Variants in CSMD3 observed in about 807,000 individuals in gnomAD.
The protein encoded by CSMD3 is CUB and Sushi multiple domains 3.
Under a neutral mutation model 435.2 loss-of-function variants are expected in CSMD3, and 177 were observed. That is an observed-to-expected ratio of 0.41 (90% CI 0.36 to 0.46). The LOEUF is 0.46. Ranked by LOEUF, CSMD3 falls within the 20% of genes least tolerant of loss-of-function variation. The probability of loss-of-function intolerance (pLI) is 0.34; values close to 1 mark genes in which losing one functional copy is unlikely to be tolerated. For synonymous variants in CSMD3, 1,656 were observed against 1,520.5 expected, an observed-to-expected ratio of 1.09 and a Z score of -2.07; for missense variants, 4,265 against 4,504.6, an observed-to-expected ratio of 0.95 and a Z score of 1.52.
chr8:112,351,559 G>A (rs1187922520), intron 39 of CSMD3, among the ~76,000 whole-genome samples: 1 of 151,868 alleles, frequency 6.6e-6, no homozygotes, highest in Non-Finnish European at 1.5e-5. Context: ...AAGTGAAAGG[G>A]CAGTATACAT....
At chr8:113,113,362 A>C (rs2090722317) in intron 4 of CSMD3, among the ~76,000 whole-genome samples, 1 of 152,210 alleles carries the variant, frequency 6.6e-6, no homozygotes, top group Admixed American at 6.5e-5. Flanking sequence ...GAACATAGTA[A>C]TGTTGCATCT....
At chr8:112,387,755 T>G (rs1015302628) in intron 36 of CSMD3, among the ~76,000 whole-genome samples, 1 of 152,196 alleles carries the variant, frequency 6.6e-6, no homozygotes, top group East Asian at 1.9e-4. Flanking sequence ...GAATAGTGTT[T>G]GCCTAGGATA....
At chr8:112,957,108 C>T (rs963042322) in intron 7 of CSMD3, among the ~76,000 whole-genome samples, 4 of 152,004 alleles carry the variant, frequency 2.6e-5, no homozygotes, top group Admixed American at 2.0e-4. Context: ...GTATTAATTA[C>T]AAGACTATTC....
At chr8:113,399,640 A>G (rs927730284) in intron 1 of CSMD3, among the ~76,000 whole-genome samples, 1 of 151,972 alleles carries the variant, frequency 6.6e-6, no homozygotes, top group African/African-American at 2.4e-5. Flanking sequence ...TGGGGCTGGA[A>G]GAGGGTGAGG....
At chr8:112,312,762 A>T (rs1332563716) in intron 49 of CSMD3, among the ~76,000 whole-genome samples, 1 of 152,210 alleles carries the variant, frequency 6.6e-6, no homozygotes, top group Non-Finnish European at 1.5e-5. Context: ...AAACAGAATT[A>T]TTCTATTCAT....
intron 3 of CSMD3, among the ~76,000 whole-genome samples, chr8:113,224,269 T>C (rs2093001922): frequency 6.6e-6 from 1 of 151,328 alleles, no homozygotes; most frequent in Non-Finnish European, 1.5e-5. Context: ...ATTTTTATTT[T>C]GTATTTGCCC....
rs1458808541 is a variant in CSMD3 at position 112,650,222 on chromosome 8, A to T, written c.3132T>A (p.His1044Gln). ...FSCDSGYRLS[H>Q]EEPLLCEKNH... Reference sequence around the variant, plus strand: ...TTTTTTCGCATAGAAGGGGCTCTTCATGACTCAACCTGTATCCTGAATCAC... The same window carrying T: ...TTTTTTCGCATAGAAGGGGCTCTTCTTGACTCAACCTGTATCCTGAATCAC... The change falls in exon 19 of 71, where the codon CAT (histidine) becomes CAA (glutamine). Residue 1044 changes from histidine to glutamine, a missense_variant. His to Gln is a conservative substitution (Grantham distance 24, BLOSUM62 0). This residue lies in a region of CSMD3 where 3,255 missense variants were observed against 3,380.2 expected (regional missense o/e 0.96). Transcript: ENST00000297405. 1 of 1,614,008 alleles carries T rather than the reference A, an allele frequency of 6.2e-7. No individual in the cohort carries two copies. Among genetic ancestry groups the T allele is most frequent in the Non-Finnish European group, 8.5e-7 (1 of 1,179,896 alleles).
chr8:112,231,613 C>A lies in CSMD3; in HGVS notation c.10760G>T (p.Gly3587Val), dbSNP rs1001474038. 1 of 1,610,776 alleles carries A rather than the reference C, an allele frequency of 6.2e-7. No homozygotes were observed. The highest frequency in any genetic ancestry group is 1.1e-5 in the South Asian group (1 of 91,000). Residue 3587 changes from glycine (G) to valine (V), a missense_variant, in exon 69 of 71, where the codon GGA (glycine) becomes GTA (valine). By Grantham distance (109) the Gly-to-Val change is moderately radical. Transcript: ENST00000297405. The stretch of plus-strand genomic sequence containing the variant: ...AAATCCTTGAAATACATAAGTAGCT[C>A]CATCAGGCTCAGCAGAAACCTAAAA... The part of the protein sequence containing the change: ...MDGFVSAEPD[G>V]ATYVFQGFIQ...
chr8:112,937,356 T>TG (rs1554723428), intron 9 of CSMD3, among the ~76,000 whole-genome samples: 2 of 150,480 alleles, frequency 1.3e-5, no homozygotes, highest in African/African-American at 4.9e-5. Context: ...AATAATGTTT[T>TG]TTTTTTTTTT....
chr8:113,007,222 T>C (rs2086091388), intron 6 of CSMD3, among the ~76,000 whole-genome samples: 1 of 152,004 alleles, frequency 6.6e-6, no homozygotes, highest in Admixed American at 6.6e-5. Flanking sequence ...ATTTTAATTA[T>C]AAAGTTGAAA....
At chr8:112,625,118 CAT>C (rs1387761830) in intron 22 of CSMD3, among the ~76,000 whole-genome samples, 3 of 151,946 alleles carry the variant, frequency 2.0e-5, no homozygotes, top group African/African-American at 7.2e-5. Context: ...TCTGTAATGA[CAT>C]GTTAATATTT....
rs975804430 is a variant in CSMD3 at position 113,398,417 on chromosome 8, A to G, written c.178+38260T>C. Among the ~76,000 whole-genome samples, 4 of 152,250 alleles carry G rather than the reference A, an allele frequency of 2.6e-5. No individual in the cohort carries two copies. The East Asian group carries it at 5.8e-4, about 22-fold the overall frequency. ...TCAGTGACACAGTTTAATTACTGTA[A>G]CACTATAGTGTAATATCTGGAAAAG... is the stretch of plus-strand genomic sequence containing the variant. On this transcript the variant is annotated intron_variant, in intron 1 of 70. Transcript: ENST00000297405.
At chr8:112,824,189 T>A (rs966016212) in intron 12 of CSMD3, among the ~76,000 whole-genome samples, 1 of 151,842 alleles carries the variant, frequency 6.6e-6, no homozygotes, top group African/African-American at 2.4e-5. Flanking sequence ...TTTGAGCCTA[T>A]TTGTGTCTTT....
intron 59 of CSMD3, among the ~76,000 whole-genome samples, chr8:112,267,326 T>C (rs1034941179): frequency 2.0e-5 from 3 of 152,108 alleles, no homozygotes; most frequent in South Asian, 4.1e-4. Context: ...AGTGTTTCTT[T>C]CTCAATAATA....
intron 1 of CSMD3, among the ~76,000 whole-genome samples, chr8:113,392,591 A>T (rs2094465602): frequency 6.6e-6 from 1 of 152,110 alleles, no homozygotes; most frequent in South Asian, 2.1e-4. Flanking sequence ...TTTGGCTCTG[A>T]ATTCCTCATC....
chr8:113,214,844 G>A (rs901759213), intron 3 of CSMD3, among the ~76,000 whole-genome samples: 17 of 151,942 alleles, frequency 1.1e-4, no homozygotes, highest in South Asian at 6.2e-4. Flanking sequence ...CTAGAGCACA[G>A]AGTAGATTAA....
intron 10 of CSMD3, among the ~76,000 whole-genome samples, chr8:112,920,902 C>CAT (rs146558665): frequency 0.041 from 4,668 of 113,718 alleles, 130 homozygotes; most frequent in Middle Eastern, 0.073. Flanking sequence ...AATATTTTGC[C>CAT]ATATATATAT....
intron 11 of CSMD3, among the ~76,000 whole-genome samples, chr8:112,832,867 T>C (rs78851734): frequency 6.6e-6 from 1 of 152,152 alleles, no homozygotes; most frequent in Non-Finnish European, 1.5e-5. Context: ...CTTTCATTTT[T>C]CCCTCCAATA....
At chr8:112,880,942 A>C (rs1223454089) in intron 10 of CSMD3, among the ~76,000 whole-genome samples, 2 of 152,062 alleles carry the variant, frequency 1.3e-5, no homozygotes, top group Admixed American at 1.3e-4. Flanking sequence ...TTCACTTTCT[A>C]CATATTTATT....
Sources: gnomAD v4.1 joint callset for allele counts (sites outside exome capture counted in the v4.1 genomes callset) on GRCh38, gnomAD v4.1.1 for gene constraint, gnomAD v4.1.1 regional missense constraint, MANE v1.5 for transcripts, NCBI Gene and HGNC (gene_info 2026-07-23, HGNC 2026-07-21) for gene names.